Variants in IGF1R observed in about 807,000 individuals in gnomAD.
IGF1R encodes the protein insulin-like growth factor 1 receptor.
A neutral mutation model predicts 144.6 loss-of-function variants in IGF1R; 44 were observed. The observed-to-expected ratio is 0.30, with a 90% CI of 0.24 to 0.39. The LOEUF (loss-of-function observed/expected upper bound fraction) is 0.39, where lower values mean the gene tolerates loss of function less well. Among genes scored for constraint, IGF1R ranks in the 10% least tolerant of loss-of-function variants. IGF1R has a pLI of 1.00. For missense variants in IGF1R, 1,355 were observed against 1,833.7 expected (o/e 0.74, Z 4.77); for synonymous variants, 795 against 722.8 (o/e 1.10, Z -1.60).
chr15:98,957,180 A>G lies in IGF1R; in HGVS notation c.3842A>G (p.Tyr1281Cys). 1 of 1,614,232 alleles carries G rather than the reference A, an allele frequency of 6.2e-7. No homozygotes were observed. Among genetic ancestry groups the G allele is most frequent in the Non-Finnish European group, 8.5e-7 (1 of 1,180,046 alleles). ...EPGFREVSFY[Y>C]SEENKLPEPE... is the part of the protein sequence containing the mutation. ...GGCTTCCGGGAGGTCTCCTTCTACT[A>G]CAGCGAGGAGAACAAGCTGCCCGAG... Residue 1281 changes from tyrosine to cysteine, a missense_variant, in exon 21 of 21, where the codon TAC becomes TGC. Physicochemically the swap from Tyr to Cys is radical, Grantham distance 194. Coordinates refer to ENST00000650285, the MANE Select transcript of IGF1R (RefSeq NM_000875.5).
intron 2 of IGF1R, among the ~76,000 whole-genome samples, chr15:98,744,950 C>T (rs1270205655): frequency 2.0e-5 from 3 of 152,250 alleles, no homozygotes; most frequent in Middle Eastern, 3.4e-3. Flanking sequence ...CTCCTTTCCT[C>T]CTGTTCTGCT....
intron 6 of IGF1R, among the ~76,000 whole-genome samples, chr15:98,910,633 A>T (rs184191247): frequency 1.3e-5 from 2 of 152,148 alleles, no homozygotes; most frequent in African/African-American, 4.8e-5. Context: ...AATAAGAGAG[A>T]CACTTGGCAC....
chr15:98,830,855 T>C (rs1414205539), intron 2 of IGF1R, among the ~76,000 whole-genome samples: 2 of 152,162 alleles, frequency 1.3e-5, no homozygotes, highest in East Asian at 3.9e-4. Flanking sequence ...CCCCCCACCC[T>C]GGCTTCCCAA....
Position 98,648,906 on chromosome 15 carries a change from GGCGGCGCGGCGGGAGTGCTGAGC to G in IGF1R, c.-665_-643del, listed in dbSNP as rs936278160. On this transcript the variant is annotated 5_prime_UTR_variant, in exon 1 of 21. Transcript: ENST00000650285. ...CGGGGCGGGCGGCGGCGCAGAGCCG[GGCGGCGCGGCGGGAGTGCTGAGC>G]GCGGCGCGGCCGGCCCGCCGCTTTG... The G allele has an allele frequency of 1.3e-5, 2 of 157,346 alleles. No homozygotes were observed. The highest frequency in any genetic ancestry group is 1.3e-4 in the East Asian group (1 of 7,714). 9.7% of individuals were successfully genotyped at this position (157,346 alleles called of 1,614,324 possible).
At chr15:98,693,111 C>T (rs2053516660) in intron 1 of IGF1R, among the ~76,000 whole-genome samples, 1 of 152,154 alleles carries the variant, frequency 6.6e-6, no homozygotes, top group Admixed American at 6.5e-5. Flanking sequence ...TTGCAGCACC[C>T]CCCTGACCCC....
rs2017163149 is a variant in IGF1R at position 98,960,035 on chromosome 15, G to A, written c.*2593G>A. ...GTGATGGGACAGTTCTTGATTTTTT[G>A]GGTTTTTTTTCCCCCAAACATTTAT... On this transcript the variant is annotated 3_prime_UTR_variant, in exon 21 of 21. Transcript: ENST00000650285. The A allele has an allele frequency of 4.3e-6, 1 of 233,194 alleles. No homozygotes were observed. The highest frequency in any genetic ancestry group is 8.5e-6 in the Non-Finnish European group (1 of 118,024). The allele number at this position is 233,194 out of a possible 1,614,324, so 14.4% of individuals were successfully genotyped here.
In IGF1R at chr15:98,879,052, C is replaced by T. The variant is rs548678861; in HGVS notation, c.641-12273C>T. Among the ~76,000 whole-genome samples the T allele has an allele frequency of 7.9e-5, 12 of 152,142 alleles. 1 individual carries two copies. The highest frequency in any genetic ancestry group is 2.1e-4 in the South Asian group (1 of 4,830). On this transcript the variant is annotated intron_variant, in intron 2 of 20. Coordinates refer to ENST00000650285, the MANE Select transcript of IGF1R (RefSeq NM_000875.5). ...GTGAGAGCGACACTGTGTGTCCATGCGTGAAGAAACCCGGCTCATGATGAC... is the reference window on the plus strand; with the variant it reads ...GTGAGAGCGACACTGTGTGTCCATGTGTGAAGAAACCCGGCTCATGATGAC...
chr15:98,698,784 A>C (rs1350445666), intron 1 of IGF1R, among the ~76,000 whole-genome samples: 2 of 152,248 alleles, frequency 1.3e-5, no homozygotes, highest in African/African-American at 2.4e-5. Flanking sequence ...CAGTATTTCA[A>C]GAAGCTTCTG....
At chr15:98,815,419 A>G (rs2141466720) in intron 2 of IGF1R, among the ~76,000 whole-genome samples, 1 of 152,242 alleles carries the variant, frequency 6.6e-6, no homozygotes, top group East Asian at 1.9e-4. Context: ...ATCCTTCTAC[A>G]GTGGGGAGAG....
intron 2 of IGF1R, among the ~76,000 whole-genome samples, chr15:98,740,615 G>A (rs1391506704): frequency 6.6e-6 from 1 of 152,158 alleles, no homozygotes; most frequent in Non-Finnish European, 1.5e-5. Flanking sequence ...ATACAGCAAG[G>A]GGAAATGTTT....
chr15:98,727,525 T>C (rs2054389321), intron 2 of IGF1R, among the ~76,000 whole-genome samples: 1 of 152,226 alleles, frequency 6.6e-6, no homozygotes, highest in South Asian at 2.1e-4. Context: ...TGCTCTCTGA[T>C]TCCTCAGCAA....
intron 20 of IGF1R, 34 bp from the exon 21 acceptor site, chr15:98,957,027 G>C: frequency 6.2e-7 from 1 of 1,613,242 alleles, no homozygotes; most frequent in East Asian, 2.2e-5. Flanking sequence ...GCGCCCTCCC[G>C]GTTTGGACCC....
chr15:98,924,756 G>GT, intron 13 of IGF1R, 72 bp downstream of exon 13: 1 of 1,323,108 alleles, frequency 7.6e-7, no homozygotes, highest in Middle Eastern at 2.1e-4. Flanking sequence ...GACAGCCCGA[G>GT]TGTTCATGGC....
At chr15:98,947,351 G>A (rs1469223516) in intron 19 of IGF1R, among the ~76,000 whole-genome samples, 1 of 152,220 alleles carries the variant, frequency 6.6e-6, no homozygotes, top group East Asian at 1.9e-4. Flanking sequence ...AGCACTGTGG[G>A]CTTGGGCACA....
At chr15:98,727,409 C>T (rs2054387008) in intron 2 of IGF1R, among the ~76,000 whole-genome samples, 1 of 152,016 alleles carries the variant, frequency 6.6e-6, no homozygotes, top group Non-Finnish European at 1.5e-5. Flanking sequence ...TTTGTCAAAG[C>T]AAACTTGTGG....
rs899305473 is a variant in IGF1R, at chr15:98,958,628, G to A, written c.*1186G>A. On this transcript the variant is annotated 3_prime_UTR_variant, in exon 21 of 21. Coordinates refer to ENST00000650285, the MANE Select transcript of IGF1R (RefSeq NM_000875.5). ...TTCTATGTTAGACCATGAAACATTT[G>A]CATACACATCGTCTTTAATGTCACT... 32 of 232,314 alleles carry A rather than the reference G, an allele frequency of 1.4e-4. No homozygotes were observed. Among genetic ancestry groups the A allele is most frequent in the Non-Finnish European group, 2.5e-4 (29 of 117,246 alleles). The allele number at this position is 232,314 out of a possible 1,614,324, so 14.4% of individuals were successfully genotyped here. A position where few individuals can be genotyped will look rare whatever the true frequency, so the allele number is the denominator to read the frequency against.
chr15:98,916,442 A>G lies in IGF1R; in HGVS notation c.1997-230A>G, dbSNP rs1596446051. The G allele has an allele frequency of 1.2e-5, 7 of 575,436 alleles. No individual in the cohort carries two copies. In the East Asian group the frequency reaches 1.5e-4, roughly 13 times the overall value. 35.6% of individuals were successfully genotyped at this position (575,436 alleles called of 1,614,324 possible). ...ATGCCCAGCTAATTTTTGTATTTTT[A>G]GTAGAGACGGGGTTTCACCATGTTG... On this transcript the variant is annotated intron_variant, in intron 9 of 20. Coordinates refer to ENST00000650285, the MANE Select transcript of IGF1R (RefSeq NM_000875.5).
intron 1 of IGF1R, among the ~76,000 whole-genome samples, chr15:98,692,788 G>T (rs1172492337): frequency 6.6e-6 from 1 of 152,136 alleles, no homozygotes; most frequent in African/African-American, 2.4e-5. Flanking sequence ...AGAGTCTGTT[G>T]TTTACCACCT....
At chr15:98,710,749 C>T (rs905975363) in intron 2 of IGF1R, among the ~76,000 whole-genome samples, 1 of 151,702 alleles carries the variant, frequency 6.6e-6, no homozygotes, top group Admixed American at 6.6e-5. Flanking sequence ...TCACTGCAAC[C>T]TCCGTCTCCT....
Sources: allele counts gnomAD v4.1 joint callset (sites outside exome capture counted in the v4.1 genomes callset), GRCh38; gene constraint gnomAD v4.1.1; transcripts MANE v1.5; gene names NCBI Gene and HGNC (gene_info 2026-07-23, HGNC 2026-07-21).